The following IQANK1 variants were observed in gnomAD, a reference collection of about 807,000 sequenced individuals.
The protein encoded by IQANK1 is IQ motif and ankyrin repeat containing 1, also known as IQ motif and ankyrin repeat domain-containing protein 1.
Under a neutral mutation model 22.6 loss-of-function variants are expected in IQANK1, and 30 were observed. The observed-to-expected ratio is 1.33, with a 90% CI of 0.99 to 1.80. The LOEUF is 1.80. Ranked by LOEUF, IQANK1 falls within the 40% of genes most tolerant of loss-of-function variation. IQANK1 has a pLI of 0.00. For missense variants in IQANK1, 275 were observed against 235.2 expected (o/e 1.17, Z -1.11); for synonymous variants, 122 against 99.6 (o/e 1.23, Z -1.34).
chr8:143,744,670 G>T (rs1391051078), intron 3 of IQANK1: 1 of 152,172 alleles, frequency 6.6e-6, no homozygotes, highest in Non-Finnish European at 1.5e-5. Context: ...TCTGATGTTG[G>T]TGTTAACCTC....
At chr8:143,782,601 C>T (rs1298758167) in intron 7 of IQANK1, among the ~76,000 whole-genome samples, 2 of 152,158 alleles carry the variant, frequency 1.3e-5, no homozygotes, top group African/African-American at 4.8e-5. Flanking sequence ...CTGCCTCGGC[C>T]TCCTGAGTAG....
At position 143,748,798 on chromosome 8, in the gene IQANK1, A is replaced by AAT. The variant is rs1195181695; in HGVS notation, c.175+8857_175+8858dup. ...TAAATATATCATATATAAATATATA[A>AAT]ATATATATCATATAAATATATAAAT... On this transcript the variant is annotated intron_variant, in intron 3 of 13. Coordinates refer to ENST00000527139, the MANE Select transcript of IQANK1 (RefSeq NM_001381874.1). 9.5e-5 allele frequency among the ~76,000 whole-genome samples: 10 copies of AAT among 104,938 alleles called. 1 individual carries two copies. Among genetic ancestry groups the AAT allele is most frequent in the African/African-American group, 3.4e-4 (9 of 26,452 alleles). 68.8% of individuals were successfully genotyped at this position (104,938 alleles called of 152,430 possible). A position where few individuals can be genotyped will look rare whatever the true frequency, so the allele number is the denominator to read the frequency against.
intron 3 of IQANK1, among the ~76,000 whole-genome samples, chr8:143,752,227 A>G (rs1161074672): frequency 1.3e-5 from 2 of 152,160 alleles, no homozygotes; most frequent in Non-Finnish European, 2.9e-5. Flanking sequence ...TGGCCCCCCA[A>G]AGTGCTGGGA....
chr8:143,776,366 A>T (rs1413740082), intron 7 of IQANK1, among the ~76,000 whole-genome samples: 2 of 152,000 alleles, frequency 1.3e-5, no homozygotes, highest in Non-Finnish European at 2.9e-5. Context: ...AAAGAAAAAA[A>T]TTGAGCAAAA....
chr8:143,772,498 G>A lies in IQANK1; in HGVS notation c.789+16G>A, dbSNP rs1157697079. ...CCCTGAGCGGGTGTGGACCCCAGAG[G>A]TGTGGGCCCCGGGAGGTGTGAGCCC... On this transcript the variant is annotated intron_variant, in intron 7 of 13. Transcript: ENST00000527139. The A allele has an allele frequency of 2.5e-6, 1 of 399,568 alleles. No homozygotes were observed. The highest frequency in any genetic ancestry group is 3.6e-5 in the East Asian group (1 of 28,098). The allele number at this position is 399,568 out of a possible 1,614,324, so 24.8% of individuals were successfully genotyped here. A position where few individuals can be genotyped will look rare whatever the true frequency, so the allele number is the denominator to read the frequency against.
At chr8:143,783,875 C>CTAT (rs1819840115) in intron 7 of IQANK1, among the ~76,000 whole-genome samples, 1 of 152,220 alleles carries the variant, frequency 6.6e-6, no homozygotes, top group South Asian at 2.1e-4. Context: ...TGCCCTAAGT[C>CTAT]AAGTGTCTAT....
intron 7 of IQANK1, among the ~76,000 whole-genome samples, chr8:143,775,353 CAG>C (rs1554630260): frequency 7.2e-6 from 1 of 138,938 alleles, no homozygotes; most frequent in Non-Finnish European, 1.5e-5. Context: ...CACACACACA[CAG>C]ACACACACAC....
chr8:143,763,239 G>C lies in IQANK1; in HGVS notation c.176-8249G>C, dbSNP rs148956958. Reference sequence around the variant, plus strand: ...CCATGTCAGCCAGGCTGGTCTCAAAGTCCTGACCTCATGATCTGCCCGCCT... The same window carrying C: ...CCATGTCAGCCAGGCTGGTCTCAAACTCCTGACCTCATGATCTGCCCGCCT... On this transcript the variant is annotated intron_variant, in intron 3 of 13. Transcript: ENST00000527139. Among the ~76,000 whole-genome samples, 383 of 152,146 alleles carry C rather than the reference G, an allele frequency of 2.5e-3. 2 individuals carry two copies. Among genetic ancestry groups the C allele is most frequent in the African/African-American group, 8.7e-3 (360 of 41,516 alleles).
At chr8:143,744,233 A>T (rs149562346) in intron 3 of IQANK1, 1 of 157,032 alleles carries the variant, frequency 6.4e-6, no homozygotes, top group Non-Finnish European at 1.4e-5. Flanking sequence ...ACCTTAGTTC[A>T]TCTGCAGTCT....
chr8:143,760,845 C>G (rs542686441), intron 3 of IQANK1, among the ~76,000 whole-genome samples: 1 of 152,338 alleles, frequency 6.6e-6, no homozygotes, highest in African/African-American at 2.4e-5. Flanking sequence ...CTGCGCTCGG[C>G]ATCGCGGCGG....
At chr8:143,761,295 CG>C (rs1280239054) in intron 3 of IQANK1, among the ~76,000 whole-genome samples, 2 of 152,326 alleles carry the variant, frequency 1.3e-5, no homozygotes, top group East Asian at 3.9e-4. Flanking sequence ...CTGGGAGTCC[CG>C]GAGACGCCCG....
At chr8:143,759,164 A>T in intron 3 of IQANK1, 1 of 268,706 alleles carries the variant, frequency 3.7e-6, no homozygotes, top group Non-Finnish European at 7.2e-6. Context: ...GCTGGGCTGC[A>T]GGCAGCAAGA....
At position 143,772,339 on chromosome 8, in the gene IQANK1, G is replaced by T. The variant is rs1205047651; in HGVS notation, c.664-18G>T. On this transcript the variant is annotated intron_variant, in intron 6 of 13. Coordinates refer to ENST00000527139, the MANE Select transcript of IQANK1 (RefSeq NM_001381874.1). ...CAGGGGCAAGGCCTGGATCTTGCTC[G>T]GGGGGCCCGTCTTGCAGGGCGCTTT... is the stretch of plus-strand genomic sequence containing the variant. The T allele has an allele frequency of 7.5e-6, 3 of 398,922 alleles. No homozygotes were observed. In the East Asian group the frequency reaches 1.1e-4, roughly 14 times the overall value. The allele number at this position is 398,922 out of a possible 1,614,324, so 24.7% of individuals were successfully genotyped here.
chr8:143,769,962 G>A (rs1563776142), intron 3 of IQANK1, among the ~76,000 whole-genome samples: 3 of 152,180 alleles, frequency 2.0e-5, no homozygotes, highest in Non-Finnish European at 2.9e-5. Context: ...GGTGGCCGTG[G>A]TGCACAGGCG....
intron 7 of IQANK1, among the ~76,000 whole-genome samples, chr8:143,786,786 C>A (rs1457758722): frequency 6.6e-6 from 1 of 152,104 alleles, no homozygotes; most frequent in East Asian, 1.9e-4. Flanking sequence ...AGGTGGCATA[C>A]AAGGGAGAAC....
chr8:143,772,237 C>G lies in IQANK1; in HGVS notation c.657C>G (p.Asn219Lys). The G allele has an allele frequency of 2.5e-6, 1 of 396,614 alleles. No homozygotes were observed. The highest frequency in any genetic ancestry group is 4.4e-6 in the Non-Finnish European group (1 of 224,754). 24.6% of individuals were successfully genotyped at this position (396,614 alleles called of 1,614,324 possible). ...GGGCCGAGCTCGGCGCCAGCCCCAA[C>G]AGCAAGGTGGGCGCCGTGGGCCGCG... is the stretch of plus-strand genomic sequence containing the variant. Reference protein sequence around the residue: ...QLRAELGASPNSKGAFGPTPL... With the variant: ...QLRAELGASPKSKGAFGPTPL... The change falls in exon 6 of 14, where the codon AAC becomes AAG. Residue 219 changes from asparagine (N) to lysine (K), a missense_variant. Asn to Lys is a moderately conservative substitution (Grantham distance 94, BLOSUM62 0). Transcript: ENST00000527139.
At chr8:143,739,741 T>G in intron 2 of IQANK1, 118 bp from the exon 3 acceptor site, 1 of 576,220 alleles carries the variant, frequency 1.7e-6, no homozygotes. Context: ...GAGGCCCGGG[T>G]GGGGGGCTCC....
Position 143,789,490 on chromosome 8 carries a change from G to A in IQANK1, c.1048G>A (p.Glu350Lys). The change falls in exon 10 of 14, where the codon GAG becomes AAG. Residue 350 changes from glutamate (E) to lysine (K), a missense_variant. Glu to Lys is a moderately conservative substitution (Grantham distance 56, BLOSUM62 1). Transcript: ENST00000527139. ...GAGGATCTCAGAGCACGACCAGTGT[G>A]AGTGGAGGTGCATGGACAAGACCAA... is the stretch of plus-strand genomic sequence containing the variant. ...SRRISEHDQC[E>K]WRCMDKTKLT... The A allele has an allele frequency of 3.2e-6, 4 of 1,232,330 alleles. No individual in the cohort carries two copies. Among genetic ancestry groups the A allele is most frequent in the African/African-American group, 1.5e-5 (1 of 64,542 alleles). 76.3% of individuals were successfully genotyped at this position (1,232,330 alleles called of 1,614,324 possible).
chr8:143,747,966 T>TCCTTTCCTTTC (rs1554627406), intron 3 of IQANK1, among the ~76,000 whole-genome samples: 18 of 138,922 alleles, frequency 1.3e-4, no homozygotes, highest in Admixed American at 5.9e-4. Flanking sequence ...TCCTTTCCTT[T>TCCTTTCCTTTC]CCTTTCCCTT....
Sources: gnomAD v4.1 joint callset for allele counts (sites outside exome capture counted in the v4.1 genomes callset) on GRCh38, gnomAD v4.1.1 for gene constraint, MANE v1.5 for transcripts, NCBI Gene and HGNC (gene_info 2026-07-23, HGNC 2026-07-21) for gene names.